FBXO34: variants seen among roughly 807,000 people sequenced by gnomAD.
FBXO34 encodes F-box only protein 34.
In FBXO34, 12 loss-of-function variants were observed where a neutral mutation model predicts 24.5. That is an observed-to-expected ratio of 0.49 (90% CI 0.31 to 0.79). The LOEUF is 0.79. Ranked by LOEUF, FBXO34 falls within the 30% of genes least tolerant of loss-of-function variation. The pLI, the probability that FBXO34 is intolerant of heterozygous loss-of-function variation, is 0.04. For synonymous variants in FBXO34, 320 were observed against 311.9 expected, an observed-to-expected ratio of 1.03 and a Z score of -0.27; for missense variants, 823 against 857.7, an observed-to-expected ratio of 0.96 and a Z score of 0.51.
At chr14:55,298,731 T>G in intron 1 of FBXO34, 1 of 1,571,550 alleles carries the variant, frequency 6.4e-7, no homozygotes, top group East Asian at 2.3e-5. Flanking sequence ...GGAGGAGATG[T>G]TAAGCAAGAA....
the FBXO34 span, among the ~76,000 whole-genome samples, chr14:55,439,613 A>AC: frequency 2.5e-3 from 122 of 47,930 alleles, no homozygotes; most frequent in African/African-American, 8.5e-3. Flanking sequence ...GAGAAAAGCA[A>AC]ACCCCCCCCC....
chr14:55,314,876 C>T (rs1453400379), intron 1 of FBXO34, among the ~76,000 whole-genome samples: 4 of 152,122 alleles, frequency 2.6e-5, no homozygotes, highest in Non-Finnish European at 5.9e-5. Context: ...CCACTTCATC[C>T]CCCCACTTCT....
At chr14:55,335,859 A>T (rs192229446) in intron 1 of FBXO34, among the ~76,000 whole-genome samples, 1 of 152,336 alleles carries the variant, frequency 6.6e-6, no homozygotes, top group African/African-American at 2.4e-5. Flanking sequence ...GTATAACTAC[A>T]TGCCAACTGT....
intron 1 of FBXO34, among the ~76,000 whole-genome samples, chr14:55,279,363 G>A (rs1025936546): frequency 6.6e-6 from 1 of 151,998 alleles, no homozygotes; most frequent in African/African-American, 2.4e-5. Flanking sequence ...TTACTATTTG[G>A]AGGTATCTGT....
At chr14:55,313,314 C>CTT (rs1157338745) in intron 1 of FBXO34, among the ~76,000 whole-genome samples, 8 of 152,206 alleles carry the variant, frequency 5.3e-5, no homozygotes, top group Non-Finnish European at 8.8e-5. Flanking sequence ...TCATCCTGGA[C>CTT]TTCATTGACC....
At chr14:55,283,622 G>A (rs372118042) in intron 1 of FBXO34, among the ~76,000 whole-genome samples, 118 of 151,836 alleles carry the variant, frequency 7.8e-4, no homozygotes, top group African/African-American at 2.8e-3. Context: ...CAACCACCAT[G>A]CCCGACTAAT....
At chr14:55,404,195 A>C in the FBXO34 span, among the ~76,000 whole-genome samples, 5 of 152,216 alleles carry the variant, frequency 3.3e-5, no homozygotes, top group Admixed American at 1.3e-4. Context: ...CTACAAATTC[A>C]TCTGAAAAAT....
Position 55,310,541 on chromosome 14 carries a change from C to G in FBXO34, c.-11+39004C>G, listed in dbSNP as rs1161880413. On this transcript the variant is annotated intron_variant, in intron 1 of 1. Transcript: ENST00000313833. ...GAAGAATGAAGATGAGAAATGTAGACTATGCCTTCAGGTATGTCTGTCCTA... is the reference window on the plus strand; with the variant it reads ...GAAGAATGAAGATGAGAAATGTAGAGTATGCCTTCAGGTATGTCTGTCCTA... 3.3e-5 allele frequency among the ~76,000 whole-genome samples: 5 copies of G among 152,168 alleles called. No individual in the cohort carries two copies. The South Asian group carries it at 8.3e-4, about 25-fold the overall frequency.
At chr14:55,277,151 G>A (rs769537409) in intron 1 of FBXO34, among the ~76,000 whole-genome samples, 7 of 152,128 alleles carry the variant, frequency 4.6e-5, no homozygotes, top group Non-Finnish European at 8.8e-5. Context: ...CACCTTCTAG[G>A]TTAATTTCAT....
In FBXO34 at chr14:55,335,102, A is replaced by G. The variant is rs114059173; in HGVS notation, c.-10-15279A>G. ...GTGAAGGGCAGGTGTTTTCAAGTCA[A>G]AGGAGTTCAGGTGAAGGGCAGGTGC... On this transcript the variant is annotated intron_variant, in intron 1 of 1. Transcript: ENST00000313833. 3.2e-3 allele frequency among the ~76,000 whole-genome samples: 485 copies of G among 152,256 alleles called. 1 individual carries two copies. Among genetic ancestry groups the G allele is most frequent in the African/African-American group, 0.011 (469 of 41,536 alleles).
At chr14:55,285,711 T>C (rs1881738956) in intron 1 of FBXO34, among the ~76,000 whole-genome samples, 1 of 152,264 alleles carries the variant, frequency 6.6e-6, no homozygotes, top group Non-Finnish European at 1.5e-5. Context: ...TCTACTTAAA[T>C]ATTCAAGTTT....
At chr14:55,298,167 C>A (rs1354780336) in intron 1 of FBXO34, among the ~76,000 whole-genome samples, 4 of 152,016 alleles carry the variant, frequency 2.6e-5, no homozygotes, top group African/African-American at 9.7e-5. Flanking sequence ...TTGAATACTG[C>A]CCAACACAAA....
the FBXO34 span, among the ~76,000 whole-genome samples, chr14:55,412,484 T>TC: frequency 2.5e-4 from 38 of 152,308 alleles, no homozygotes; most frequent in East Asian, 1.9e-4. Flanking sequence ...TAACGTACCT[T>TC]CCCTACCCTG....
rs1284724662 is a variant in FBXO34 at position 55,352,772 on chromosome 14, G to A, written c.*246G>A. On this transcript the variant is annotated 3_prime_UTR_variant, in exon 2 of 2. Coordinates refer to ENST00000313833, the MANE Select transcript of FBXO34 (RefSeq NM_017943.4). ...ATCCCACAGTTGGATTCAGTTGGCT[G>A]TGAATAACTGCCTGTTTTCCTAAAT... is the stretch of plus-strand genomic sequence containing the variant. 3 of 431,536 alleles carry A rather than the reference G, an allele frequency of 7.0e-6. No homozygotes were observed. The highest frequency in any genetic ancestry group is 4.8e-5 in the South Asian group (1 of 20,922). The allele number at this position is 431,536 out of a possible 1,614,324, so 26.7% of individuals were successfully genotyped here.
At chr14:55,377,933 T>C in the FBXO34 span, 1 of 1,592,410 alleles carries the variant, frequency 6.3e-7, no homozygotes, top group East Asian at 2.2e-5. Context: ...TTGGTTAATA[T>C]TTTCAACTAT....
In FBXO34 at chr14:55,313,155, A is replaced by G. The variant is rs73263931; in HGVS notation, c.-10-37226A>G. 4.0e-3 allele frequency among the ~76,000 whole-genome samples: 610 copies of G among 152,264 alleles called. 6 individuals are homozygous for G. Among genetic ancestry groups the G allele is most frequent in the African/African-American group, 0.013 (543 of 41,560 alleles). ...GCTTTGCGGCGTAAACATTTCTTCT[A>G]CGAGATACTCTAAATCATCTGTCTC... On this transcript the variant is annotated intron_variant, in intron 1 of 1. Coordinates refer to ENST00000313833, the MANE Select transcript of FBXO34 (RefSeq NM_017943.4).
At chr14:55,371,578 G>A (rs1406813637), downstream of FBXO34, among the ~76,000 whole-genome samples, 3 of 151,788 alleles carry the variant, frequency 2.0e-5, no homozygotes, top group Non-Finnish European at 2.9e-5. Flanking sequence ...AGGCTGCGGC[G>A]GGCAGATCAC....
At chr14:55,396,269 C>T in the FBXO34 span, among the ~76,000 whole-genome samples, 17 of 152,234 alleles carry the variant, frequency 1.1e-4, no homozygotes, top group South Asian at 2.1e-3. Context: ...AACTGCCATC[C>T]GTCATAATTC....
intron 1 of FBXO34, among the ~76,000 whole-genome samples, chr14:55,284,105 C>G (rs1881668214): frequency 6.6e-6 from 1 of 151,962 alleles, no homozygotes; most frequent in Admixed American, 6.6e-5. Context: ...CTCAAGCAGT[C>G]CTCTTGCCTC....
Sources: gnomAD v4.1 joint callset for allele counts (sites outside exome capture counted in the v4.1 genomes callset) on GRCh38, gnomAD v4.1.1 for gene constraint, MANE v1.5 for transcripts, NCBI Gene and HGNC (gene_info 2026-07-23, HGNC 2026-07-21) for gene names.